LONP2: variants seen among roughly 807,000 people sequenced by gnomAD.
LONP2 encodes the protein lon protease homolog 2, peroxisomal.
A neutral mutation model predicts 85.6 loss-of-function variants in LONP2; 60 were observed. That is an observed-to-expected ratio of 0.70 (90% confidence interval 0.57 to 0.87). LONP2 has a LOEUF of 0.87. Ranked by LOEUF, LONP2 falls within the 40% of genes least tolerant of loss-of-function variation. The pLI is 0.00. For synonymous variants in LONP2, 395 were observed against 389.7 expected (o/e 1.01, Z -0.16); for missense variants, 860 against 1,063.5 (o/e 0.81, Z 2.66).
chr16:48,322,265 C>CA (rs1006156534), intron 11 of LONP2, among the ~76,000 whole-genome samples: 15 of 151,090 alleles, frequency 9.9e-5, no homozygotes, highest in South Asian at 6.3e-4. Flanking sequence ...TGATTTTTCA[C>CA]AAAAAAAAAT....
chr16:48,334,917 G>A (rs145979082), intron 12 of LONP2: 15 of 348,060 alleles, frequency 4.3e-5, no homozygotes, highest in Non-Finnish European at 8.1e-5. Flanking sequence ...ACTCACTGGT[G>A]TACTCAGGTG....
intron 8 of LONP2, among the ~76,000 whole-genome samples, chr16:48,283,445 G>T (rs1310457192): frequency 1.3e-5 from 2 of 152,174 alleles, no homozygotes; most frequent in African/African-American, 4.8e-5. Context: ...GGCTAATGCA[G>T]CTGGTGACTT....
intron 11 of LONP2, among the ~76,000 whole-genome samples, chr16:48,332,407 C>G (rs1312466313): frequency 6.6e-6 from 1 of 152,026 alleles, no homozygotes; most frequent in African/African-American, 2.4e-5. Context: ...GAAACCCCGT[C>G]TCTACTAAAA....
intron 11 of LONP2, among the ~76,000 whole-genome samples, chr16:48,333,829 G>A (rs1959549304): frequency 6.6e-6 from 1 of 152,192 alleles, no homozygotes; most frequent in Non-Finnish European, 1.5e-5. Flanking sequence ...GTAACCTACT[G>A]CGCTTAGCCC....
chr16:48,296,132 T>C lies in LONP2; in HGVS notation c.1501T>C (p.Leu501=). 6.2e-7 allele frequency: 1 copy of C among 1,614,206 alleles called. No individual in the cohort carries two copies. Among genetic ancestry groups the C allele is most frequent in the Non-Finnish European group, 8.5e-7 (1 of 1,180,028 alleles). The change falls in exon 9 of 15, where the codon TTG becomes CTG. Residue 501 remains leucine, a synonymous_variant. Transcript: ENST00000285737. Reference sequence around the variant, plus strand: ...CACCACTGCTACCATTCCAGCTGCCTTGTTGGACAGAATGGAGATCATTCA... The same window carrying C: ...CACCACTGCTACCATTCCAGCTGCCCTGTTGGACAGAATGGAGATCATTCA... ...ANTTATIPAA[L]LDRMEIIQVP...
rs34863177 is a variant in LONP2, at chr16:48,261,474, AGAAGATGAAGAT to A, written c.787_798del (p.Glu263_Asp266del). 1.2e-6 allele frequency: 2 copies of A among 1,609,586 alleles called. No individual in the cohort carries two copies. The highest frequency in any genetic ancestry group is 2.2e-5 in the East Asian group (1 of 44,672). The stretch of plus-strand genomic sequence containing the variant: ...GAATTACACATATCTCAGGTACTTT[AGAAGATGAAGAT>A]GAAGATGAAGATAATGATGACATTG... On this transcript the variant is annotated inframe_deletion, in exon 5 of 15. Coordinates refer to ENST00000285737, the MANE Select transcript of LONP2 (RefSeq NM_031490.5).
At chr16:48,347,270 A>C (rs1176616904) in intron 12 of LONP2, among the ~76,000 whole-genome samples, 1 of 152,250 alleles carries the variant, frequency 6.6e-6, no homozygotes, top group Non-Finnish European at 1.5e-5. Context: ...AGTTATTTAC[A>C]TATATTTTAA....
chr16:48,264,753 A>T (rs949582313), intron 6 of LONP2, among the ~76,000 whole-genome samples: 1 of 152,240 alleles, frequency 6.6e-6, no homozygotes, highest in African/African-American at 2.4e-5. Context: ...GGCATAAGAA[A>T]TTACAAAAGT....
Position 48,351,670 on chromosome 16 carries a change from G to A in LONP2, c.2427G>A (p.Glu809=). 1 of 1,614,148 alleles carries A rather than the reference G, an allele frequency of 6.2e-7. No homozygotes were observed. Among genetic ancestry groups the A allele is most frequent in the South Asian group, 1.1e-5 (1 of 91,078 alleles). The change falls in exon 15 of 15, where the codon GAG becomes GAA. Residue 809 remains glutamate, a synonymous_variant. Transcript: ENST00000285737. ...CTCGGAGAAATGAAAAAGACCTTGA[G>A]GGAATCCCAGGCAACGTACGACAGG... ...IIPRRNEKDL[E]GIPGNVRQDL... is the part of the protein sequence containing the mutation.
rs74833218 is a variant in LONP2 at position 48,309,977 on chromosome 16, G to C, written c.1795+6672G>C. 8.9e-3 allele frequency among the ~76,000 whole-genome samples: 1,348 copies of C among 151,214 alleles called. 25 individuals are homozygous for C. The highest frequency in any genetic ancestry group is 0.031 in the African/African-American group (1,288 of 41,192). On this transcript the variant is annotated intron_variant, in intron 11 of 14. Transcript: ENST00000285737. The stretch of plus-strand genomic sequence containing the variant: ...CTAGTAGTATTTGTTTTATTAATCT[G>C]GTACTCCAGTTTTGGGAGTATATAC...
chr16:48,295,922 C>A, intron 8 of LONP2, 93 bp from the exon 9 acceptor site: 1 of 1,176,820 alleles, frequency 8.5e-7, no homozygotes, highest in Non-Finnish European at 1.2e-6. Flanking sequence ...GCAGAAATAC[C>A]AACCTTGCCA....
Position 48,354,860 on chromosome 16 carries a change from CT to C in LONP2, c.*3063del, listed in dbSNP as rs1228344538. 1 of 150,038 alleles carries C rather than the reference CT, an allele frequency of 6.7e-6. No homozygotes were observed. Among genetic ancestry groups the C allele is most frequent in the Non-Finnish European group, 1.5e-5 (1 of 67,560 alleles). The allele number at this position is 150,038 out of a possible 1,614,324, so 9.3% of individuals were successfully genotyped here. A position where few individuals can be genotyped will look rare whatever the true frequency, so the allele number is the denominator to read the frequency against. ...TAGCTTTAGCTCAAAGGAACTCCAA[CT>C]TTTTATTATTTGCAACAGTTAGCTT... On this transcript the variant is annotated 3_prime_UTR_variant, in exon 15 of 15. Coordinates refer to ENST00000285737, the MANE Select transcript of LONP2 (RefSeq NM_031490.5).
chr16:48,302,936 G>A (rs907899435), intron 10 of LONP2, among the ~76,000 whole-genome samples: 1 of 152,182 alleles, frequency 6.6e-6, no homozygotes, highest in Non-Finnish European at 1.5e-5. Flanking sequence ...TCATTTTTAA[G>A]TGTAGGATTA....
rs899039777 is a variant in LONP2 at position 48,304,462 on chromosome 16, G to C, written c.1795+1157G>C. Among the ~76,000 whole-genome samples the C allele has an allele frequency of 2.6e-5, 4 of 152,320 alleles. No homozygotes were observed. The South Asian group carries it at 6.2e-4, about 24-fold the overall frequency. ...CTCATGCCTTTGATCCCAGCACTTTGGAAGGTTGAGGCAGGCAGATGACTT... is the reference window on the plus strand; with the variant it reads ...CTCATGCCTTTGATCCCAGCACTTTCGAAGGTTGAGGCAGGCAGATGACTT... On this transcript the variant is annotated intron_variant, in intron 11 of 14. Transcript: ENST00000285737.
chr16:48,303,227 C>A lies in LONP2; in HGVS notation c.1717C>A (p.Arg573=). 1 of 1,614,014 alleles carries A rather than the reference C, an allele frequency of 6.2e-7. No individual in the cohort carries two copies. Among genetic ancestry groups the A allele is most frequent in the Non-Finnish European group, 8.5e-7 (1 of 1,180,020 alleles). ...SLDRKLGAIC[R]AVAVKVAEGQ... ...GGATAGAAAACTTGGGGCCATTTGC[C>A]GAGCTGTGGCCGTGAAGGTGGCAGA... Residue 573 remains arginine, a synonymous_variant, in exon 11 of 15, where the codon CGA becomes AGA. Transcript: ENST00000285737.
intron 7 of LONP2, 147 bp from the exon 8 acceptor site, chr16:48,277,191 T>C: frequency 1.6e-6 from 1 of 614,782 alleles, no homozygotes; most frequent in South Asian, 2.6e-5. Flanking sequence ...TGATTTATCA[T>C]AGTGCCTTTT....
chr16:48,281,349 G>A (rs1255420441), intron 8 of LONP2, among the ~76,000 whole-genome samples: 1 of 152,062 alleles, frequency 6.6e-6, no homozygotes, highest in East Asian at 1.9e-4. Flanking sequence ...CAAAAAAGGA[G>A]AATTCAAAAT....
intron 8 of LONP2, among the ~76,000 whole-genome samples, chr16:48,288,292 T>C (rs933508192): frequency 6.6e-6 from 1 of 151,936 alleles, no homozygotes; most frequent in African/African-American, 2.4e-5. Context: ...TAGCTGAGAT[T>C]ACAGGCACGT....
At chr16:48,292,433 C>T (rs1285596612) in intron 8 of LONP2, among the ~76,000 whole-genome samples, 1 of 152,168 alleles carries the variant, frequency 6.6e-6, no homozygotes, top group Non-Finnish European at 1.5e-5. Flanking sequence ...TGACGCAGTT[C>T]CCAGCTTGTC....
Sources: allele counts gnomAD v4.1 joint callset (sites outside exome capture counted in the v4.1 genomes callset), GRCh38; gene constraint gnomAD v4.1.1; transcripts MANE v1.5; gene names NCBI Gene and HGNC (gene_info 2026-07-23, HGNC 2026-07-21).